The following SLIT1 variants were observed in gnomAD, a reference collection of about 807,000 sequenced individuals.
The protein encoded by SLIT1 is slit guidance ligand 1, also known as slit homolog 1 protein.
Under a neutral mutation model 186.1 loss-of-function variants are expected in SLIT1, and 66 were observed. The ratio of observed to expected loss-of-function variants is 0.35; its 90% CI spans 0.29 to 0.44. The LOEUF (loss-of-function observed/expected upper bound fraction) is 0.44, where lower values mean the gene tolerates loss of function less well. Ranked by LOEUF, SLIT1 falls within the 20% of genes least tolerant of loss-of-function variation. The pLI is 1.00. For missense variants in SLIT1, 1,638 were observed against 2,037.4 expected, an observed-to-expected ratio of 0.80 and a Z score of 3.77; for synonymous variants, 761 against 833.8, an observed-to-expected ratio of 0.91 and a Z score of 1.50.
At chr10:97,087,714 C>G (rs1178165315) in intron 4 of SLIT1, among the ~76,000 whole-genome samples, 1 of 152,126 alleles carries the variant, frequency 6.6e-6, no homozygotes, top group Non-Finnish European at 1.5e-5. Flanking sequence ...ATCCCTAGAT[C>G]TGATTCCAGC....
chr10:97,119,848 C>T (rs533258267), intron 4 of SLIT1, among the ~76,000 whole-genome samples: 2 of 144,766 alleles, frequency 1.4e-5, no homozygotes, highest in East Asian at 4.1e-4. Context: ...CTTCCTGGGG[C>T]TTCCAATTCT....
At chr10:97,130,878 C>T (rs559961839) in intron 4 of SLIT1, among the ~76,000 whole-genome samples, 8 of 152,300 alleles carry the variant, frequency 5.3e-5, no homozygotes, top group South Asian at 2.1e-4. Context: ...TGAATGTCTG[C>T]GAACATGTCT....
At chr10:97,144,707 G>T (rs1312590577) in intron 4 of SLIT1, among the ~76,000 whole-genome samples, 1 of 152,196 alleles carries the variant, frequency 6.6e-6, no homozygotes, top group African/African-American at 2.4e-5. Flanking sequence ...GATGAAGCGG[G>T]AGCCAGCAAC....
chr10:97,116,141 T>C (rs140844976), intron 4 of SLIT1, among the ~76,000 whole-genome samples: 3 of 152,128 alleles, frequency 2.0e-5, no homozygotes, highest in African/African-American at 7.2e-5. Flanking sequence ...AATGAAATAA[T>C]ATATGGAGAG....
At chr10:97,116,087 A>T (rs1034907408) in intron 4 of SLIT1, among the ~76,000 whole-genome samples, 1 of 152,202 alleles carries the variant, frequency 6.6e-6, no homozygotes, top group African/African-American at 2.4e-5. Context: ...TTAATGTAAA[A>T]GTAGAATCAA....
At chr10:97,145,747 A>T (rs927670663) in intron 4 of SLIT1, among the ~76,000 whole-genome samples, 2 of 152,244 alleles carry the variant, frequency 1.3e-5, no homozygotes, top group East Asian at 3.9e-4. Context: ...CTCCTGCAAG[A>T]GCAGGAGACA....
chr10:97,082,906 A>G (rs1038932212), intron 4 of SLIT1, among the ~76,000 whole-genome samples: 9 of 151,502 alleles, frequency 5.9e-5, no homozygotes, highest in Non-Finnish European at 1.2e-4. Flanking sequence ...AAGAAAGTCT[A>G]CTGTTTGTTT....
intron 8 of SLIT1, 76 bp downstream of exon 8, chr10:97,063,379 C>A: frequency 6.5e-7 from 1 of 1,529,634 alleles, no homozygotes; most frequent in South Asian, 1.1e-5. Context: ...GTATTAATGT[C>A]GAGATTAGGG....
At chr10:97,126,335 C>A (rs1035901800) in intron 4 of SLIT1, among the ~76,000 whole-genome samples, 1 of 152,172 alleles carries the variant, frequency 6.6e-6, no homozygotes, top group South Asian at 2.1e-4. Flanking sequence ...ACGGGGTGAA[C>A]AATGAATCGG....
chr10:97,173,770 C>T lies in SLIT1; in HGVS notation c.198-8880G>A, dbSNP rs534159940. Among the ~76,000 whole-genome samples the T allele has an allele frequency of 1.1e-4, 16 of 152,216 alleles. No individual in the cohort carries two copies. The Middle Eastern group carries it at 0.017, about 162-fold the overall frequency. On this transcript the variant is annotated intron_variant, in intron 1 of 36. Coordinates refer to ENST00000266058, the MANE Select transcript of SLIT1 (RefSeq NM_003061.3). ...CGCAGCTGCAAGACTTGGCAGGTAT[C>T]GGAGGACTCTGAAGTCCTGGAGACC...
In SLIT1 at chr10:97,057,358, G is replaced by A. The variant is rs72821707; in HGVS notation, c.1086-77C>T. On this transcript the variant is annotated intron_variant, in intron 11 of 36. Transcript: ENST00000266058. ...TAGCACAACTCTGCAGACGGCCCCA[G>A]CTCAACAGCGCTGCCCCTAAGCCAT... 2.7e-5 allele frequency: 30 copies of A among 1,122,806 alleles called. No individual in the cohort carries two copies. In the East Asian group the frequency reaches 6.8e-4, roughly 26 times the overall value. The allele number at this position is 1,122,806 out of a possible 1,614,324, so 69.6% of individuals were successfully genotyped here. A position where few individuals can be genotyped will look rare whatever the true frequency, so the allele number is the denominator to read the frequency against.
chr10:97,078,209 C>T (rs73320690), intron 4 of SLIT1, among the ~76,000 whole-genome samples: 8,714 of 152,238 alleles, frequency 0.057, 601 homozygotes, highest in African/African-American at 0.17. Flanking sequence ...GGGGGCCTGA[C>T]ACTGTGGATG....
At chr10:97,137,043 C>T (rs1419850798) in intron 4 of SLIT1, among the ~76,000 whole-genome samples, 1 of 152,130 alleles carries the variant, frequency 6.6e-6, no homozygotes, top group African/African-American at 2.4e-5. Flanking sequence ...ACCAAGCAGG[C>T]CTGCAGTGAG....
intron 28 of SLIT1, 108 bp from the exon 29 acceptor site, chr10:97,014,266 G>A (rs564357427): frequency 3.9e-5 from 51 of 1,317,828 alleles, no homozygotes; most frequent in Admixed American, 1.1e-4. Context: ...CCCTAATCCC[G>A]GCCAGGCCCT....
chr10:97,002,324 G>A lies in SLIT1; in HGVS notation c.4200C>T (p.Ser1400=). 6.2e-7 allele frequency: 1 copy of A among 1,611,588 alleles called. No individual in the cohort carries two copies. Among genetic ancestry groups the A allele is most frequent in the Non-Finnish European group, 8.5e-7 (1 of 1,179,502 alleles). ...CCGAGTACCCATCCTGGCACTGGCA[G>A]CTGTAGGAAAGAGCGTCGAGGGGCA... ...QCVPLDALSY[S]CQCQDGYSGA... Residue 1400 remains serine (S), a synonymous_variant, in exon 36 of 37, where the codon AGC becomes AGT. Coordinates refer to ENST00000266058, the MANE Select transcript of SLIT1 (RefSeq NM_003061.3).
chr10:97,153,122 C>T (rs1849899428), intron 4 of SLIT1: 1 of 152,202 alleles, frequency 6.6e-6, no homozygotes, highest in Non-Finnish European at 1.5e-5. Context: ...AGACCATTTT[C>T]AGGCTCTTCA....
chr10:97,157,426 G>A (rs368994009), intron 4 of SLIT1: 1 of 207,076 alleles, frequency 4.8e-6, no homozygotes, highest in African/African-American at 2.3e-5. Flanking sequence ...ATAGGTTCAA[G>A]AAGGGCTTAG....
chr10:97,025,311 A>T (rs546852442), intron 25 of SLIT1, among the ~76,000 whole-genome samples: 68 of 152,026 alleles, frequency 4.5e-4, no homozygotes, highest in Non-Finnish European at 8.2e-4. Flanking sequence ...AAAACAAAAA[A>T]CGACAACAAC....
In SLIT1 at chr10:97,019,001, G is replaced by A; in HGVS notation, c.2853C>T (p.Ala951=). The change falls in exon 27 of 37, where the codon GCC becomes GCT. Residue 951 remains alanine, a synonymous_variant. Coordinates refer to ENST00000266058, the MANE Select transcript of SLIT1 (RefSeq NM_003061.3). ...HNDPLEVYRC[A]CPSGYKGRDC... ...CACTCACCTTATAGCCGCTGGGGCA[G>A]GCGCACCTGTACACCTCAAGGGGGT... 6.2e-7 allele frequency: 1 copy of A among 1,612,256 alleles called. No homozygotes were observed. The highest frequency in any genetic ancestry group is 8.5e-7 in the Non-Finnish European group (1 of 1,178,376).
Sources: gnomAD v4.1 joint callset for allele counts (sites outside exome capture counted in the v4.1 genomes callset) on GRCh38, gnomAD v4.1.1 for gene constraint, MANE v1.5 for transcripts, NCBI Gene and HGNC (gene_info 2026-07-23, HGNC 2026-07-21) for gene names.